Variants in GPR158 observed in about 807,000 individuals in gnomAD.
GPR158 encodes G protein-coupled receptor 158.
Under a neutral mutation model 78.2 loss-of-function variants are expected in GPR158, and 30 were observed. The observed-to-expected ratio is 0.38, with a 90% confidence interval of 0.29 to 0.52. The LOEUF is 0.52. Among genes scored for constraint, GPR158 ranks in the 20% least tolerant of loss-of-function variants. The probability of loss-of-function intolerance (pLI) is 0.83; values close to 1 mark genes in which losing one functional copy is unlikely to be tolerated. For synonymous variants in GPR158, 581 were observed against 591.1 expected (o/e 0.98, Z 0.25); for missense variants, 1,463 against 1,523.5 (o/e 0.96, Z 0.66).
rs200316761 is a variant in GPR158, at chr10:25,403,891, T to C, written c.1111+7878T>C. On this transcript the variant is annotated intron_variant, in intron 3 of 10. Transcript: ENST00000376351. ...AGAGCACTTTCATCAGTAACAATTGTTTATTGAGTATCCAATATGTATAAA... is the reference window on the plus strand; with the variant it reads ...AGAGCACTTTCATCAGTAACAATTGCTTATTGAGTATCCAATATGTATAAA... Among the ~76,000 whole-genome samples the C allele has an allele frequency of 7.2e-5, 11 of 152,172 alleles. 1 individual carries two copies. In the East Asian group the frequency reaches 2.1e-3, roughly 29 times the overall value.
intron 4 of GPR158, among the ~76,000 whole-genome samples, chr10:25,422,463 A>C (rs926794166): frequency 1.3e-5 from 2 of 152,118 alleles, no homozygotes; most frequent in East Asian, 1.9e-4. Flanking sequence ...CATCACCCCC[A>C]CACACACCCT....
chr10:25,539,116 C>T (rs1179704863), intron 5 of GPR158, among the ~76,000 whole-genome samples: 2 of 152,080 alleles, frequency 1.3e-5, no homozygotes, highest in South Asian at 2.1e-4. Context: ...GAATGTAGTG[C>T]TGCATCCTGG....
chr10:25,525,322 C>T (rs2184518), intron 5 of GPR158, among the ~76,000 whole-genome samples: 85,599 of 151,580 alleles, frequency 0.56, 24,633 homozygotes, highest in African/African-American at 0.7. Flanking sequence ...AAAACACTTA[C>T]ACATGAATCT....
At chr10:25,424,386 A>T (rs1354778461) in intron 4 of GPR158, among the ~76,000 whole-genome samples, 2 of 152,194 alleles carry the variant, frequency 1.3e-5, no homozygotes, top group East Asian at 3.9e-4. Flanking sequence ...TCTTTAGTTT[A>T]ATTAGATCCC....
intron 2 of GPR158, among the ~76,000 whole-genome samples, chr10:25,241,413 T>TCTCTTCTC (rs1564399845): frequency 1.1e-4 from 15 of 138,524 alleles, no homozygotes; most frequent in African/African-American, 3.7e-4. Context: ...TCTCTTCTCT[T>TCTCTTCTC]TTCTTTTCTT....
intron 4 of GPR158, among the ~76,000 whole-genome samples, chr10:25,434,030 G>A (rs563704394): frequency 6.6e-6 from 1 of 152,150 alleles, no homozygotes; most frequent in South Asian, 2.1e-4. Context: ...ATGGTGAAGG[G>A]CACCTGTAGT....
At chr10:25,449,601 G>A (rs1229916829) in intron 4 of GPR158, among the ~76,000 whole-genome samples, 1 of 152,112 alleles carries the variant, frequency 6.6e-6, no homozygotes, top group Non-Finnish European at 1.5e-5. Context: ...GGTAGGAGGT[G>A]GGTACTGGAA....
chr10:25,457,140 C>CTTTT lies in GPR158; in HGVS notation c.1336-9488_1336-9485dup, dbSNP rs11384299. On this transcript the variant is annotated intron_variant, in intron 4 of 10. Transcript: ENST00000376351. ...GGTGCCTGCCAGCCACCATGCCCAC[C>CTTTT]TTTTTTTTTTTTTTTTTTTTTTTTT... Among the ~76,000 whole-genome samples, 35 of 59,408 alleles carry CTTTT rather than the reference C, an allele frequency of 5.9e-4. 1 individual carries two copies. The highest frequency in any genetic ancestry group is 9.3e-4 in the South Asian group (1 of 1,072). The allele number at this position is 59,408 out of a possible 152,430, so 39.0% of individuals were successfully genotyped here.
chr10:25,345,056 C>A (rs150909863), intron 2 of GPR158, among the ~76,000 whole-genome samples: 1 of 152,080 alleles, frequency 6.6e-6, no homozygotes, highest in South Asian at 2.1e-4. Flanking sequence ...CCTTGGGGGC[C>A]AGAATCTCAA....
At position 25,598,171 on chromosome 10, in the gene GPR158, C is replaced by G. The variant is rs1837437099; in HGVS notation, c.2545C>G (p.Leu849Val). 6.2e-7 allele frequency: 1 copy of G among 1,614,188 alleles called. No homozygotes were observed. Among genetic ancestry groups the G allele is most frequent in the South Asian group, 1.1e-5 (1 of 91,092 alleles). The change falls in exon 11 of 11, where the codon CTG becomes GTG. Residue 849 changes from leucine (L) to valine (V), a missense_variant. Coordinates refer to ENST00000376351, the MANE Select transcript of GPR158 (RefSeq NM_020752.3). Reference protein sequence around the residue: ...QEEETTENSTLESLSGKKLTQ... With the variant: ...QEEETTENSTVESLSGKKLTQ... ...GGAGGAGACAACAGAAAATTCCACA[C>G]TGGAATCCCTGTCGGGTAAAAAACT...
At chr10:25,237,198 A>T (rs1431230889) in intron 2 of GPR158, among the ~76,000 whole-genome samples, 29 of 152,182 alleles carry the variant, frequency 1.9e-4, no homozygotes, top group Admixed American at 1.9e-3. Context: ...AAAGATTTAG[A>T]TGAATTCTAT....
intron 8 of GPR158, among the ~76,000 whole-genome samples, chr10:25,591,023 A>C: frequency 6.6e-6 from 1 of 152,162 alleles, no homozygotes; most frequent in East Asian, 1.9e-4. Context: ...TAAAAGTTTA[A>C]TAAGGCAATA....
intron 2 of GPR158, among the ~76,000 whole-genome samples, chr10:25,362,288 G>A (rs1196857678): frequency 6.6e-6 from 1 of 151,774 alleles, no homozygotes; most frequent in Non-Finnish European, 1.5e-5. Flanking sequence ...TTATTTCTGG[G>A]CTCTCATCCT....
intron 2 of GPR158, among the ~76,000 whole-genome samples, chr10:25,225,843 G>A (rs1022906197): frequency 6.6e-6 from 1 of 152,012 alleles, no homozygotes; most frequent in Non-Finnish European, 1.5e-5. Flanking sequence ...AATCTCTAAA[G>A]ATAAATTTTA....
chr10:25,343,875 T>C (rs1855336287), intron 2 of GPR158, among the ~76,000 whole-genome samples: 1 of 152,010 alleles, frequency 6.6e-6, no homozygotes, highest in Non-Finnish European at 1.5e-5. Flanking sequence ...AGGAAAAACA[T>C]CTCATTAATA....
At chr10:25,401,071 T>G (rs1350278004) in intron 3 of GPR158, among the ~76,000 whole-genome samples, 1 of 152,124 alleles carries the variant, frequency 6.6e-6, no homozygotes, top group Non-Finnish European at 1.5e-5. Context: ...GAGTCTTAGT[T>G]TTCTTGCTTT....
At chr10:25,213,326 G>T (rs1853160841) in intron 1 of GPR158, among the ~76,000 whole-genome samples, 1 of 151,978 alleles carries the variant, frequency 6.6e-6, no homozygotes, top group African/African-American at 2.4e-5. Flanking sequence ...CCTTCTATTT[G>T]TAGTTTGCCA....
intron 5 of GPR158, among the ~76,000 whole-genome samples, chr10:25,539,823 T>C (rs759267378): frequency 6.6e-5 from 10 of 152,186 alleles, no homozygotes; most frequent in Non-Finnish European, 1.2e-4. Flanking sequence ...TTTTGTTATT[T>C]TGAATCCAAA....
chr10:25,383,789 A>C (rs1834187666), intron 2 of GPR158, among the ~76,000 whole-genome samples: 2 of 152,224 alleles, frequency 1.3e-5, no homozygotes, highest in Non-Finnish European at 2.9e-5. Flanking sequence ...AAGAGACTCT[A>C]AAGTGACCAT....
Sources: gnomAD v4.1 joint callset for allele counts (sites outside exome capture counted in the v4.1 genomes callset) on GRCh38, gnomAD v4.1.1 for gene constraint, MANE v1.5 for transcripts, NCBI Gene and HGNC (gene_info 2026-07-23, HGNC 2026-07-21) for gene names.